Variants in CADPS observed in about 807,000 individuals in gnomAD.
The protein encoded by CADPS is calcium-dependent secretion activator 1.
CADPS carries 57 observed loss-of-function variants against 167.3 expected under a neutral mutation model. That is an observed-to-expected ratio of 0.34 (90% CI 0.28 to 0.42). The LOEUF (loss-of-function observed/expected upper bound fraction) is 0.42. Ranked by LOEUF, CADPS falls within the 20% of genes least tolerant of loss-of-function variation. The probability of loss-of-function intolerance (pLI) is 1.00; values close to 1 mark genes in which losing one functional copy is unlikely to be tolerated. For missense variants in CADPS, 1,414 were observed against 1,738.1 expected, an observed-to-expected ratio of 0.81 and a Z score of 3.32; for synonymous variants, 676 against 635.3, an observed-to-expected ratio of 1.06 and a Z score of -0.96.
intron 17 of CADPS, among the ~76,000 whole-genome samples, chr3:62,505,443 C>T (rs1237066934): frequency 3.3e-5 from 5 of 152,124 alleles, no homozygotes; most frequent in Admixed American, 6.5e-5. Flanking sequence ...TATCTCACAC[C>T]GTACTAGATC....
intron 3 of CADPS, among the ~76,000 whole-genome samples, chr3:62,699,836 T>C (rs1455248028): frequency 1.3e-5 from 2 of 152,138 alleles, no homozygotes; most frequent in Non-Finnish European, 2.9e-5. Flanking sequence ...CCCAAAGTGC[T>C]GGGAGTACAC....
Position 62,819,407 on chromosome 3 carries a change from CGTGTGTGTGTGTGTGT to C in CADPS, c.442-53439_442-53424del, listed in dbSNP as rs3047244. ...GTTTAAAGCAATGACAATCTGTGTG[CGTGTGTGTGTGTGTGT>C]GTGTGTGTGTGTGTGTGTGTGTATT... On this transcript the variant is annotated intron_variant, in intron 1 of 29. Transcript: ENST00000383710. 2.3e-4 allele frequency among the ~76,000 whole-genome samples: 33 copies of C among 144,074 alleles called. 3 individuals are homozygous for C. The highest frequency in any genetic ancestry group is 1.5e-3 in the Admixed American group (22 of 14,364). 94.5% of individuals were successfully genotyped at this position (144,074 alleles called of 152,430 possible). A position where few individuals can be genotyped will look rare whatever the true frequency, so the allele number is the denominator to read the frequency against.
intron 3 of CADPS, among the ~76,000 whole-genome samples, chr3:62,703,170 G>A (rs2081726609): frequency 6.6e-6 from 1 of 152,114 alleles, no homozygotes; most frequent in African/African-American, 2.4e-5. Context: ...AGCTATTAAT[G>A]CAGTTTACTC....
chr3:62,726,382 C>A (rs1264659536), intron 3 of CADPS, among the ~76,000 whole-genome samples: 1 of 151,894 alleles, frequency 6.6e-6, no homozygotes, highest in Non-Finnish European at 1.5e-5. Flanking sequence ...TTCCTATATT[C>A]AAATTTGTAA....
chr3:62,774,741 T>A (rs927981287), intron 1 of CADPS, among the ~76,000 whole-genome samples: 7 of 152,244 alleles, frequency 4.6e-5, no homozygotes, highest in African/African-American at 1.7e-4. Flanking sequence ...TTTCTTTTTC[T>A]GCATTCAATC....
intron 11 of CADPS, among the ~76,000 whole-genome samples, chr3:62,541,480 C>T (rs79813606): frequency 1.3e-5 from 2 of 152,156 alleles, no homozygotes; most frequent in Admixed American, 1.3e-4. Flanking sequence ...ATTTCAAGCA[C>T]TGTCAATGGT....
chr3:62,676,321 T>C (rs1366397917), intron 3 of CADPS, among the ~76,000 whole-genome samples: 1 of 152,166 alleles, frequency 6.6e-6, no homozygotes, highest in Non-Finnish European at 1.5e-5. Context: ...CAATATATAT[T>C]TGTTGAGTGA....
intron 22 of CADPS, among the ~76,000 whole-genome samples, chr3:62,480,274 A>G (rs140470490): frequency 1.1e-4 from 17 of 152,326 alleles, no homozygotes; most frequent in Middle Eastern, 3.4e-3. Context: ...ATATCTTTTC[A>G]AAAACAGTGT....
chr3:62,536,520 A>G lies in CADPS; in HGVS notation c.2028T>C (p.Phe676=), dbSNP rs775787668. 24 of 1,613,566 alleles carry G rather than the reference A, an allele frequency of 1.5e-5. No homozygotes were observed. In the South Asian group the frequency reaches 2.5e-4, roughly 17 times the overall value. ...DEFISSNPCN[F]DHASLFEMVQ... ...CCATCTCAAAGAGGGAAGCGTGGTC[A>G]AAGTTACAGGGGTTGGAAGAGATAA... The change falls in exon 12 of 30, where the codon TTT becomes TTC. Residue 676 remains phenylalanine (F), a synonymous_variant. Transcript: ENST00000383710.
intron 3 of CADPS, among the ~76,000 whole-genome samples, chr3:62,684,289 A>C (rs1437537052): frequency 6.6e-6 from 1 of 152,090 alleles, no homozygotes; most frequent in Non-Finnish European, 1.5e-5. Flanking sequence ...TGGGCATTGA[A>C]AATTCTTTCT....
chr3:62,537,753 T>C (rs192451149), intron 11 of CADPS, among the ~76,000 whole-genome samples: 2 of 152,042 alleles, frequency 1.3e-5, no homozygotes, highest in African/African-American at 2.4e-5. Context: ...TCCTCTCCCA[T>C]GCTTGGGGTA....
chr3:62,538,982 C>A (rs774760622), intron 11 of CADPS, among the ~76,000 whole-genome samples: 8 of 152,126 alleles, frequency 5.3e-5, no homozygotes, highest in Non-Finnish European at 4.4e-5. Flanking sequence ...AGAACAATTT[C>A]ATTTTTTACT....
chr3:62,775,020 G>GTT (rs974725840), intron 1 of CADPS, among the ~76,000 whole-genome samples: 5 of 150,578 alleles, frequency 3.3e-5, no homozygotes, highest in African/African-American at 9.8e-5. Context: ...ACCCATAAGT[G>GTT]TTTTTTTTTT....
chr3:62,541,969 A>G (rs2152109216), intron 11 of CADPS, among the ~76,000 whole-genome samples: 1 of 152,266 alleles, frequency 6.6e-6, no homozygotes, highest in African/African-American at 2.4e-5. Context: ...TCAAATTTTT[A>G]TTTTATTGAA....
chr3:62,873,740 G>A (rs1312970479), intron 1 of CADPS, among the ~76,000 whole-genome samples: 1 of 151,538 alleles, frequency 6.6e-6, no homozygotes, highest in Non-Finnish European at 1.5e-5. Flanking sequence ...ACTTTATCAA[G>A]GCAGCAGTGG....
intron 8 of CADPS, among the ~76,000 whole-genome samples, chr3:62,577,953 T>C (rs1246501844): frequency 1.6e-4 from 24 of 152,034 alleles, no homozygotes; most frequent in Admixed American, 1.6e-3. Context: ...AAAGATCAGA[T>C]AGGACAAACA....
intron 29 of CADPS, among the ~76,000 whole-genome samples, chr3:62,400,141 C>T (rs751787927): frequency 4.6e-5 from 7 of 152,128 alleles, no homozygotes; most frequent in Non-Finnish European, 4.4e-5. Context: ...AAAGATGGAG[C>T]GCTAATGCCT....
In CADPS at chr3:62,808,032, C is replaced by T. The variant is rs868808187; in HGVS notation, c.442-42048G>A. ...GGGACTACGGGCGCACATCACCACA[C>T]CCAGCTAATTTTTTGTATTTTTAGT... On this transcript the variant is annotated intron_variant, in intron 1 of 29. Transcript: ENST00000383710. Among the ~76,000 whole-genome samples the T allele has an allele frequency of 7.2e-5, 11 of 152,128 alleles. No homozygotes were observed. In the Middle Eastern group the frequency reaches 0.02, roughly 282 times the overall value.
At chr3:62,746,206 T>C (rs1051402571) in intron 3 of CADPS, among the ~76,000 whole-genome samples, 4 of 152,142 alleles carry the variant, frequency 2.6e-5, no homozygotes, top group African/African-American at 9.7e-5. Flanking sequence ...CTATCAAGAG[T>C]ATACACTTCT....
Sources: allele counts gnomAD v4.1 joint callset (sites outside exome capture counted in the v4.1 genomes callset), GRCh38; gene constraint gnomAD v4.1.1; transcripts MANE v1.5; gene names NCBI Gene and HGNC (gene_info 2026-07-23, HGNC 2026-07-21).